Variants in CRISP2 observed in about 807,000 individuals in gnomAD.
The protein encoded by CRISP2 is cysteine rich secretory protein 2.
CRISP2 carries 29 observed loss-of-function variants against 31.7 expected under a neutral mutation model. That is an observed-to-expected ratio of 0.92 (90% confidence interval 0.68 to 1.25). The LOEUF (loss-of-function observed/expected upper bound fraction) is 1.25, where lower values mean the gene tolerates loss of function less well. Ranked by LOEUF, CRISP2 falls within the 50% of genes most tolerant of loss-of-function variation. The pLI is 0.00. For synonymous variants in CRISP2, 111 were observed against 101.4 expected (o/e 1.09, Z -0.57); for missense variants, 318 against 286.5 (o/e 1.11, Z -0.79).
chr6:49,679,552 C>T, the CRISP2 span, among the ~76,000 whole-genome samples: 1 of 152,028 alleles, frequency 6.6e-6, no homozygotes, highest in Non-Finnish European at 1.5e-5. Flanking sequence ...GAATATTCTC[C>T]CCTAATGACT....
At chr6:49,687,868 C>A (rs1255047519), downstream of CRISP2, among the ~76,000 whole-genome samples, 1 of 152,128 alleles carries the variant, frequency 6.6e-6, no homozygotes, top group African/African-American at 2.4e-5. Flanking sequence ...TTGGGGCAGG[C>A]TTGGGGGACA....
intron 4 of CRISP2, among the ~76,000 whole-genome samples, chr6:49,708,433 G>A (rs1403409763): frequency 1.3e-5 from 2 of 152,186 alleles, no homozygotes; most frequent in Non-Finnish European, 1.5e-5. Context: ...GATGAGATTA[G>A]CCTTGATTAT....
At chr6:49,694,557 T>C (rs1050916971) in intron 9 of CRISP2, among the ~76,000 whole-genome samples, 1 of 152,020 alleles carries the variant, frequency 6.6e-6, no homozygotes, top group African/African-American at 2.4e-5. Flanking sequence ...ACACACTTCC[T>C]TCTCTTTCCC....
intron 9 of CRISP2, among the ~76,000 whole-genome samples, chr6:49,694,877 G>A (rs1287466217): frequency 1.3e-5 from 2 of 151,892 alleles, no homozygotes; most frequent in Non-Finnish European, 2.9e-5. Flanking sequence ...GGGACTACAG[G>A]CATCCACCAC....
chr6:49,711,171 A>C (rs550620274), intron 3 of CRISP2, 114 bp downstream of exon 3: 56 of 152,242 alleles, frequency 3.7e-4, no homozygotes, highest in African/African-American at 1.3e-3. Context: ...ACAGACAAAC[A>C]AAAAACAAAA....
intron 9 of CRISP2, among the ~76,000 whole-genome samples, chr6:49,694,425 C>T (rs1052334056): frequency 4.6e-5 from 7 of 152,138 alleles, no homozygotes; most frequent in Non-Finnish European, 1.0e-4. Flanking sequence ...TATGGTGGGT[C>T]TAGAGGCCCA....
chr6:49,709,143 A>T lies in CRISP2; in HGVS notation c.54T>A (p.Pro18=). The T allele has an allele frequency of 6.2e-7, 1 of 1,613,750 alleles. No individual in the cohort carries two copies. The highest frequency in any genetic ancestry group is 8.5e-7 in the Non-Finnish European group (1 of 1,179,830). The part of the protein sequence containing the change: ...FLVTVLLPSL[P]AEGKDPAFTA... ...ATTTTAACCTTACCTTTCCTTCTGC[A>T]GGTAAAGATGGAAGCAGCACAGTAA... The change falls in exon 4 of 10, where the codon CCT becomes CCA. Residue 18 remains proline, a synonymous_variant. Coordinates refer to ENST00000339139, the MANE Select transcript of CRISP2 (RefSeq NM_003296.4).
chr6:49,707,402 T>G (rs1278879325), intron 4 of CRISP2, among the ~76,000 whole-genome samples: 1 of 152,132 alleles, frequency 6.6e-6, no homozygotes, highest in African/African-American at 2.4e-5. Context: ...CTTGAAAACA[T>G]CAGAAAATCA....
chr6:49,682,769 C>T, the CRISP2 span, among the ~76,000 whole-genome samples: 2 of 144,844 alleles, frequency 1.4e-5, no homozygotes, highest in African/African-American at 2.6e-5. Context: ...TTCCTTCCTC[C>T]CTCCCTTCCC....
rs1765396023 is a variant in CRISP2 at position 49,700,011 on chromosome 6, TATTA to T, written c.184-124_184-121del. 7.2e-6 allele frequency: 6 copies of T among 836,616 alleles called. No individual in the cohort carries two copies. In the East Asian group the frequency reaches 1.6e-4, roughly 23 times the overall value. The allele number at this position is 836,616 out of a possible 1,614,324, so 51.8% of individuals were successfully genotyped here. A position where few individuals can be genotyped will look rare whatever the true frequency, so the allele number is the denominator to read the frequency against. ...TAGATGTATTCTCTAATACTACTGT[TATTA>T]AAATGTTTTTAAGTGTTTTTATCTC... On this transcript the variant is annotated intron_variant, in intron 5 of 9. Transcript: ENST00000339139.
chr6:49,682,699 TTTC>T, the CRISP2 span, among the ~76,000 whole-genome samples: 50 of 150,322 alleles, frequency 3.3e-4, 1 homozygote, highest in East Asian at 8.7e-3. Context: ...TCTCTTTCTT[TTTC>T]TTTTTTCTCT....
rs1296617503 is a variant in CRISP2, at chr6:49,699,308, C to T, written c.271+496G>A. Among the ~76,000 whole-genome samples, 4 of 151,772 alleles carry T rather than the reference C, an allele frequency of 2.6e-5. No homozygotes were observed. In the East Asian group the frequency reaches 7.7e-4, roughly 29 times the overall value. ...ACGATAAATTTAAATCCACTTTATC[C>T]ACTTTTATCCACTTTAGAGCAAAAC... On this transcript the variant is annotated intron_variant, in intron 6 of 9. Coordinates refer to ENST00000339139, the MANE Select transcript of CRISP2 (RefSeq NM_003296.4).
At chr6:49,713,111 T>C (rs360546) in intron 1 of CRISP2, among the ~76,000 whole-genome samples, 26,184 of 152,116 alleles carry the variant, frequency 0.17, 2,915 homozygotes, top group African/African-American at 0.32. Flanking sequence ...TAACTGTACA[T>C]TCAAAACATC....
chr6:49,709,057 T>C (rs1217259024), intron 4 of CRISP2, 74 bp downstream of exon 4: 2 of 1,311,222 alleles, frequency 1.5e-6, no homozygotes, highest in South Asian at 1.2e-5. Flanking sequence ...CTTACCCCCC[T>C]TTACTTTCAG....
chr6:49,686,403 GGTAGA>G, the CRISP2 span, among the ~76,000 whole-genome samples: 4 of 152,124 alleles, frequency 2.6e-5, no homozygotes, highest in Non-Finnish European at 4.4e-5. Context: ...CTAAAGGACT[GGTAGA>G]GTAAAGGATA....
At chr6:49,711,351 G>C (rs896901362) in intron 2 of CRISP2, 30 bp from the exon 3 acceptor site, 3 of 152,188 alleles carry the variant, frequency 2.0e-5, no homozygotes, top group Non-Finnish European at 4.4e-5. Flanking sequence ...GGAAGGTTTA[G>C]AGCAGCATAT....
chr6:49,711,555 C>T (rs772843562), intron 2 of CRISP2, among the ~76,000 whole-genome samples: 7 of 152,172 alleles, frequency 4.6e-5, no homozygotes, highest in Non-Finnish European at 8.8e-5. Context: ...CCTTTCTAAT[C>T]AGTTCTCCCT....
Position 49,692,852 on chromosome 6 carries a change from T to C in CRISP2, c.653A>G (p.Lys218Arg). ...CTCATGTTCACAGCCAGCTGTATTC[T>C]TCAAGGAATCACAGTTACTTAGGAG... is the stretch of plus-strand genomic sequence containing the variant. Reference protein sequence around the residue: ...QDLLSNCDSLKNTAGCEHELL... With the variant: ...QDLLSNCDSLRNTAGCEHELL... The change falls in exon 10 of 10, where the codon AAG (lysine) becomes AGG (arginine). Residue 218 changes from lysine (K) to arginine (R), a missense_variant. Physicochemically the swap from Lys to Arg is conservative, Grantham distance 26. Coordinates refer to ENST00000339139, the MANE Select transcript of CRISP2 (RefSeq NM_003296.4). 7 of 1,613,868 alleles carry C rather than the reference T, an allele frequency of 4.3e-6. No individual in the cohort carries two copies. Among genetic ancestry groups the C allele is most frequent in the Non-Finnish European group, 5.9e-6 (7 of 1,179,780 alleles).
chr6:49,677,063 G>A, the CRISP2 span, among the ~76,000 whole-genome samples: 3 of 152,152 alleles, frequency 2.0e-5, no homozygotes, highest in African/African-American at 7.2e-5. Context: ...GGACGAAAGG[G>A]CAAGCTGGCT....
Sources: gnomAD v4.1 joint callset for allele counts (sites outside exome capture counted in the v4.1 genomes callset) on GRCh38, gnomAD v4.1.1 for gene constraint, MANE v1.5 for transcripts, NCBI Gene and HGNC (gene_info 2026-07-23, HGNC 2026-07-21) for gene names.